CACNG5: variants seen among roughly 807,000 people sequenced by gnomAD.
CACNG5 encodes the protein voltage-dependent calcium channel gamma-5 subunit.
A neutral mutation model predicts 24.8 loss-of-function variants in CACNG5; 18 were observed. The observed-to-expected ratio is 0.73, with a 90% CI of 0.50 to 1.08. The LOEUF is 1.08. Ranked by LOEUF, CACNG5 falls within the 50% of genes least tolerant of loss-of-function variation. CACNG5 has a pLI of 0.00. For missense variants in CACNG5, 349 were observed against 367.9 expected (o/e 0.95, Z 0.42); for synonymous variants, 157 against 149.1 (o/e 1.05, Z -0.39).
At chr17:66,851,748 A>C (rs1976711717) in intron 1 of CACNG5, among the ~76,000 whole-genome samples, 1 of 152,252 alleles carries the variant, frequency 6.6e-6, no homozygotes, top group Non-Finnish European at 1.5e-5. Context: ...AAAAAGACCA[A>C]AATGATATGT....
chr17:66,838,453 G>A (rs902965578), intron 1 of CACNG5, among the ~76,000 whole-genome samples: 29 of 151,546 alleles, frequency 1.9e-4, no homozygotes, highest in African/African-American at 5.8e-4. Flanking sequence ...CCCTGCTCAC[G>A]GCAGCCCATG....
intron 1 of CACNG5, among the ~76,000 whole-genome samples, chr17:66,849,488 C>G (rs528449324): frequency 6.6e-6 from 1 of 152,206 alleles, no homozygotes; most frequent in Non-Finnish European, 1.5e-5. Context: ...GGTGCCCAAC[C>G]CTGAACCTTG....
chr17:66,880,508 T>C (rs1256070177), intron 3 of CACNG5, 49 bp from the exon 4 acceptor site: 5 of 1,611,536 alleles, frequency 3.1e-6, no homozygotes, highest in Non-Finnish European at 4.2e-6. Context: ...TGATGAGGAA[T>C]GAATCAGGCC....
rs1259755176 is a variant in CACNG5 at position 66,890,432 on chromosome 17, C to T, written c.*5192C>T. ...ACGTCTCCCAGGACAGGTGCTAGGGCCTCATGTCCTTGGTACTGGCAGAGC... is the reference window on the plus strand; with the variant it reads ...ACGTCTCCCAGGACAGGTGCTAGGGTCTCATGTCCTTGGTACTGGCAGAGC... On this transcript the variant is annotated 3_prime_UTR_variant, in exon 6 of 6. Coordinates refer to ENST00000533854, the MANE Select transcript of CACNG5 (RefSeq NM_145811.3). 6.6e-6 allele frequency among the ~76,000 whole-genome samples: 1 copy of T among 152,220 alleles called. No individual in the cohort carries two copies. The highest frequency in any genetic ancestry group is 6.5e-5 in the Admixed American group (1 of 15,286).
intron 1 of CACNG5, among the ~76,000 whole-genome samples, chr17:66,840,997 A>G (rs1421550399): frequency 2.0e-5 from 3 of 152,134 alleles, no homozygotes; most frequent in African/African-American, 7.2e-5. Context: ...AACCTCAAAT[A>G]TCTGAGACAG....
intron 5 of CACNG5, 141 bp downstream of exon 5, chr17:66,884,802 C>G: frequency 6.2e-7 from 1 of 1,613,348 alleles, no homozygotes; most frequent in Non-Finnish European, 8.5e-7. Flanking sequence ...CTTCCTCATC[C>G]CAGAATGTGT....
chr17:66,885,340 G>A lies in CACNG5; in HGVS notation c.*100G>A. 1.4e-6 allele frequency: 2 copies of A among 1,405,124 alleles called. No individual in the cohort carries two copies. The highest frequency in any genetic ancestry group is 1.4e-5 in the South Asian group (1 of 71,748). The allele number at this position is 1,405,124 out of a possible 1,614,324, so 87.0% of individuals were successfully genotyped here. On this transcript the variant is annotated 3_prime_UTR_variant, in exon 6 of 6. Coordinates refer to ENST00000533854, the MANE Select transcript of CACNG5 (RefSeq NM_145811.3). ...CCCAGGCCTGTGGTTGACAGGCCCA[G>A]GCCACCCATGCTTAGCTGTTGTCAC...
rs1977243452 is a variant in CACNG5, at chr17:66,885,370, C to A, written c.*130C>A. 2 of 1,120,670 alleles carry A rather than the reference C, an allele frequency of 1.8e-6. No individual in the cohort carries two copies. The highest frequency in any genetic ancestry group is 2.5e-6 in the Non-Finnish European group (2 of 799,422). The allele number at this position is 1,120,670 out of a possible 1,614,324, so 69.4% of individuals were successfully genotyped here. A position where few individuals can be genotyped will look rare whatever the true frequency, so the allele number is the denominator to read the frequency against. On this transcript the variant is annotated 3_prime_UTR_variant, in exon 6 of 6. Transcript: ENST00000533854. ...CCCATGCTTAGCTGTTGTCACTTGACCCCAGTCCTCTCCCTGCTTCTCCAG... is the reference window on the plus strand; with the variant it reads ...CCCATGCTTAGCTGTTGTCACTTGAACCCAGTCCTCTCCCTGCTTCTCCAG...
intron 1 of CACNG5, among the ~76,000 whole-genome samples, chr17:66,863,043 G>T (rs1282985165): frequency 2.0e-5 from 3 of 151,326 alleles, no homozygotes; most frequent in Admixed American, 6.6e-5. Flanking sequence ...CCTATTATGG[G>T]GTTTATTTGC....
intron 1 of CACNG5, among the ~76,000 whole-genome samples, chr17:66,840,574 G>A (rs769601266): frequency 1.3e-5 from 2 of 152,184 alleles, no homozygotes; most frequent in African/African-American, 4.8e-5. Context: ...AACCCATCTG[G>A]CAGGTTCACA....
intron 1 of CACNG5, among the ~76,000 whole-genome samples, chr17:66,872,398 G>A (rs574725099): frequency 6.6e-6 from 1 of 152,226 alleles, no homozygotes; most frequent in Non-Finnish European, 1.5e-5. Flanking sequence ...TTCAGACTAG[G>A]GTGTCTTCAA....
rs1333562967 is a variant in CACNG5 at position 66,878,986 on chromosome 17, C to A, written c.211C>A (p.Arg71Ser). ...VCFLAGEERG[R>S]CFTIEYVMPM... ...TGTCTCCACAGGTGAGGAGCGGGGG[C>A]GTTGCTTCACCATAGAATATGTGAT... Residue 71 changes from arginine to serine, a missense_variant, in exon 3 of 6, where the codon CGT becomes AGT. Arg to Ser is a moderately radical substitution (Grantham distance 110, BLOSUM62 -1). Transcript: ENST00000533854. 1 of 1,612,938 alleles carries A rather than the reference C, an allele frequency of 6.2e-7. No individual in the cohort carries two copies. The highest frequency in any genetic ancestry group is 2.2e-5 in the East Asian group (1 of 44,872).
chr17:66,841,408 C>A (rs1315393990), intron 1 of CACNG5, among the ~76,000 whole-genome samples: 2 of 152,154 alleles, frequency 1.3e-5, no homozygotes, highest in East Asian at 3.8e-4. Context: ...GATTTGGGGC[C>A]CCCAAGATTT....
At chr17:66,854,668 T>C (rs9890190) in intron 1 of CACNG5, among the ~76,000 whole-genome samples, 37,388 of 151,796 alleles carry the variant, frequency 0.25, 4,818 homozygotes, top group South Asian at 0.42. Context: ...CACTCCAGCC[T>C]GGGAAACAAG....
chr17:66,840,814 C>T (rs929142064), intron 1 of CACNG5, among the ~76,000 whole-genome samples: 2 of 152,108 alleles, frequency 1.3e-5, no homozygotes, highest in Non-Finnish European at 2.9e-5. Flanking sequence ...TCGGGCACAC[C>T]GGTGTGTTGC....
chr17:66,855,282 G>C (rs1471495547), intron 1 of CACNG5, among the ~76,000 whole-genome samples: 1 of 152,180 alleles, frequency 6.6e-6, no homozygotes, highest in Non-Finnish European at 1.5e-5. Flanking sequence ...GATTCTCTGA[G>C]CGGCTTTGCG....
In CACNG5 at chr17:66,888,341, G is replaced by A. The variant is rs1215591136; in HGVS notation, c.*3101G>A. ...AGGCAGATCACTAGGTCAGGAGATC[G>A]AGACCATCCTGGCTAACATGGTGAA... is the stretch of plus-strand genomic sequence containing the variant. On this transcript the variant is annotated 3_prime_UTR_variant, in exon 6 of 6. Coordinates refer to ENST00000533854, the MANE Select transcript of CACNG5 (RefSeq NM_145811.3). Among the ~76,000 whole-genome samples, 3 of 151,592 alleles carry A rather than the reference G, an allele frequency of 2.0e-5. No individual in the cohort carries two copies. The highest frequency in any genetic ancestry group is 2.1e-4 in the South Asian group (1 of 4,768).
intron 1 of CACNG5, among the ~76,000 whole-genome samples, chr17:66,865,081 G>A (rs1013019388): frequency 6.6e-6 from 1 of 151,866 alleles, no homozygotes; most frequent in Non-Finnish European, 1.5e-5. Flanking sequence ...TAGTTTTAAG[G>A]TTTTCTTTAT....
chr17:66,866,369 A>G (rs1976930361), intron 1 of CACNG5, among the ~76,000 whole-genome samples: 1 of 152,180 alleles, frequency 6.6e-6, no homozygotes, highest in African/African-American at 2.4e-5. Context: ...TCCTGGGCTC[A>G]GGTGATCTTC....
Sources: gnomAD v4.1 joint callset for allele counts (sites outside exome capture counted in the v4.1 genomes callset) on GRCh38, gnomAD v4.1.1 for gene constraint, MANE v1.5 for transcripts, NCBI Gene and HGNC (gene_info 2026-07-23, HGNC 2026-07-21) for gene names.